The following GOLIM4 variants were observed in gnomAD, a reference collection of about 807,000 sequenced individuals.
GOLIM4 encodes golgi integral membrane protein 4.
In GOLIM4, 71 loss-of-function variants were observed where a neutral mutation model predicts 107.4. The observed-to-expected ratio is 0.66, with a 90% CI of 0.55 to 0.81. GOLIM4 has a LOEUF of 0.81. Ranked by LOEUF, GOLIM4 falls within the 30% of genes least tolerant of loss-of-function variation. The pLI is 0.00. For missense variants in GOLIM4, 830 were observed against 826.1 expected (o/e 1.00, Z -0.06); for synonymous variants, 327 against 294.8 (o/e 1.11, Z -1.12).
At chr3:168,040,025 T>C (rs781448762) in intron 7 of GOLIM4, among the ~76,000 whole-genome samples, 20 of 152,314 alleles carry the variant, frequency 1.3e-4, no homozygotes, top group Non-Finnish European at 2.4e-4. Context: ...CTGATGAGCA[T>C]AGATCGTTTA....
chr3:168,009,722 A>G lies in GOLIM4; in HGVS notation c.*547T>C, dbSNP rs1260558227. ...TGAAAAACAATGTCTTTACAACAAA[A>G]ATGGATTTCCAATTGTATGTCACTT... On this transcript the variant is annotated 3_prime_UTR_variant, in exon 16 of 16. Coordinates refer to ENST00000470487, the MANE Select transcript of GOLIM4 (RefSeq NM_014498.5). The G allele has an allele frequency of 6.6e-6, 1 of 152,252 alleles. No homozygotes were observed. Among genetic ancestry groups the G allele is most frequent in the East Asian group, 1.9e-4 (1 of 5,206 alleles). 9.4% of individuals were successfully genotyped at this position (152,252 alleles called of 1,614,324 possible). A position where few individuals can be genotyped will look rare whatever the true frequency, so the allele number is the denominator to read the frequency against.
chr3:168,042,242 T>TTTTTA (rs1248661837), intron 5 of GOLIM4, among the ~76,000 whole-genome samples: 35 of 145,454 alleles, frequency 2.4e-4, no homozygotes, highest in Non-Finnish European at 2.4e-4. Context: ...TTAGCACCTA[T>TTTTTA]TTTTTTTTTT....
At chr3:168,073,882 T>C (rs1427647896) in intron 1 of GOLIM4, among the ~76,000 whole-genome samples, 1 of 152,200 alleles carries the variant, frequency 6.6e-6, no homozygotes, top group Non-Finnish European at 1.5e-5. Flanking sequence ...CCCAGTGACC[T>C]CTAGCACCTG....
At chr3:168,068,837 A>ATTTTTTTTTTTTTTT (rs200437702) in intron 1 of GOLIM4, among the ~76,000 whole-genome samples, 1 of 146,134 alleles carries the variant, frequency 6.8e-6, no homozygotes, top group Non-Finnish European at 1.5e-5. Context: ...ATTTTATTTT[A>ATTTTTTTTTTTTTTT]TTTTTTTTTT....
At chr3:168,078,057 G>A (rs1721157419) in intron 1 of GOLIM4, among the ~76,000 whole-genome samples, 1 of 151,912 alleles carries the variant, frequency 6.6e-6, no homozygotes, top group South Asian at 2.1e-4. Context: ...AAACCAGTAT[G>A]AATCTTGAAT....
intron 1 of GOLIM4, among the ~76,000 whole-genome samples, chr3:168,060,250 T>C (rs1345224552): frequency 2.0e-5 from 3 of 152,122 alleles, no homozygotes; most frequent in Non-Finnish European, 4.4e-5. Flanking sequence ...GCAGAAATGA[T>C]GTTGACTTAG....
chr3:168,031,289 C>T (rs1351652580), intron 9 of GOLIM4, among the ~76,000 whole-genome samples: 2 of 152,040 alleles, frequency 1.3e-5, no homozygotes, highest in African/African-American at 4.8e-5. Context: ...CTACGATTAA[C>T]AATAATCTAT....
intron 13 of GOLIM4, 120 bp downstream of exon 13, chr3:168,024,808 T>C: frequency 9.2e-7 from 1 of 1,084,426 alleles, no homozygotes; most frequent in Admixed American, 1.9e-5. Flanking sequence ...TAAAGTGGCC[T>C]AAAAACCACC....
intron 9 of GOLIM4, among the ~76,000 whole-genome samples, chr3:168,031,333 G>A (rs1718326402): frequency 6.6e-6 from 1 of 152,124 alleles, no homozygotes; most frequent in Non-Finnish European, 1.5e-5. Flanking sequence ...GAATTTGAAT[G>A]CTCCCAAAAT....
At chr3:168,043,788 G>GA (rs1553798721) in intron 4 of GOLIM4, among the ~76,000 whole-genome samples, 2 of 152,176 alleles carry the variant, frequency 1.3e-5, no homozygotes, top group South Asian at 2.1e-4. Context: ...GATGGAAAGG[G>GA]AAAAAATGTG....
At chr3:168,011,378 G>A (rs1343068279) in intron 14 of GOLIM4, among the ~76,000 whole-genome samples, 1 of 152,210 alleles carries the variant, frequency 6.6e-6, no homozygotes, top group Non-Finnish European at 1.5e-5. Flanking sequence ...TCCCGCACCT[G>A]GCTTGGAGGG....
intron 8 of GOLIM4, among the ~76,000 whole-genome samples, chr3:168,033,585 C>T (rs71304666): frequency 1.1e-4 from 12 of 106,490 alleles, no homozygotes; most frequent in South Asian, 1.0e-3. Context: ...CCAGCCTGGG[C>T]GACAGAGCAA....
chr3:168,028,266 G>A (rs1433872280), intron 11 of GOLIM4, among the ~76,000 whole-genome samples: 1 of 152,144 alleles, frequency 6.6e-6, no homozygotes, highest in African/African-American at 2.4e-5. Flanking sequence ...CCCCATCTGT[G>A]GAGCTCAGAA....
chr3:168,083,671 A>G (rs1346919628), intron 1 of GOLIM4, among the ~76,000 whole-genome samples: 1 of 152,330 alleles, frequency 6.6e-6, no homozygotes, highest in East Asian at 1.9e-4. Flanking sequence ...GATTTAGCAC[A>G]GTGGTTGGTA....
At chr3:168,084,753 G>A (rs1721540204) in intron 1 of GOLIM4, among the ~76,000 whole-genome samples, 1 of 152,184 alleles carries the variant, frequency 6.6e-6, no homozygotes, top group African/African-American at 2.4e-5. Flanking sequence ...CTGTGTAGTG[G>A]ACCTTAAGAA....
At chr3:168,046,453 C>CCGCAGTGT (rs1326200536) in intron 3 of GOLIM4, among the ~76,000 whole-genome samples, 1 of 152,168 alleles carries the variant, frequency 6.6e-6, no homozygotes, top group Non-Finnish European at 1.5e-5. Flanking sequence ...CTGCGGCCTT[C>CCGCAGTGT]CGCAGTGTCT....
intron 7 of GOLIM4, 131 bp from the exon 8 acceptor site, chr3:168,037,125 T>A (rs954700197): frequency 1.9e-5 from 10 of 536,052 alleles, no homozygotes; most frequent in Non-Finnish European, 3.0e-5. Context: ...ACAGATTGTT[T>A]CCATGCATTC....
intron 1 of GOLIM4, among the ~76,000 whole-genome samples, chr3:168,055,614 T>A (rs1050697378): frequency 6.6e-6 from 1 of 151,918 alleles, no homozygotes; most frequent in Non-Finnish European, 1.5e-5. Flanking sequence ...CTGGCTAACA[T>A]GGTAAAACCC....
intron 1 of GOLIM4, among the ~76,000 whole-genome samples, chr3:168,078,295 A>G (rs552686587): frequency 2.2e-4 from 34 of 152,254 alleles, no homozygotes; most frequent in African/African-American, 7.2e-4. Context: ...CATAATTTGT[A>G]TGGTAGCAAA....
Sources: allele counts gnomAD v4.1 joint callset (sites outside exome capture counted in the v4.1 genomes callset), GRCh38; gene constraint gnomAD v4.1.1; transcripts MANE v1.5; gene names NCBI Gene and HGNC (gene_info 2026-07-23, HGNC 2026-07-21).